NPL: variants seen among roughly 807,000 people sequenced by gnomAD.
NPL encodes N-acetylneuraminate lyase.
A neutral mutation model predicts 41.1 loss-of-function variants in NPL; 32 were observed. The ratio of observed to expected loss-of-function variants is 0.78; its 90% CI spans 0.59 to 1.05. NPL has a LOEUF of 1.05. NPL is among the 50% of genes least tolerant of loss of function. The pLI is 0.00. For synonymous variants in NPL, 128 were observed against 134.9 expected, an observed-to-expected ratio of 0.95 and a Z score of 0.35; for missense variants, 321 against 378.4, an observed-to-expected ratio of 0.85 and a Z score of 1.26.
At chr1:182,816,461 A>C (rs1290881947) in intron 7 of NPL, among the ~76,000 whole-genome samples, 1 of 152,162 alleles carries the variant, frequency 6.6e-6, no homozygotes, top group Admixed American at 6.5e-5. Context: ...GGTTTTCATC[A>C]ATTTTTTAAT....
At chr1:182,805,999 T>C in intron 4 of NPL, 146 bp from the exon 5 acceptor site, 2 of 888,186 alleles carry the variant, frequency 2.3e-6, no homozygotes, top group South Asian at 1.4e-5. Context: ...GGAAAAAAGA[T>C]GGAGTCTGAA....
chr1:182,817,157 T>A (rs1667357478), intron 8 of NPL, among the ~76,000 whole-genome samples: 1 of 152,234 alleles, frequency 6.6e-6, no homozygotes, highest in Admixed American at 6.5e-5. Flanking sequence ...TGTTGTATTC[T>A]TAGTGCCTGT....
At chr1:182,806,462 C>T (rs540902897) in intron 5 of NPL, 11 of 1,536,342 alleles carry the variant, frequency 7.2e-6, no homozygotes, top group South Asian at 3.6e-5. Context: ...CCAGAGGTTC[C>T]GCTGGGAAAC....
At chr1:182,812,860 G>A (rs1332078447) in intron 6 of NPL, among the ~76,000 whole-genome samples, 1 of 151,998 alleles carries the variant, frequency 6.6e-6, no homozygotes, top group Non-Finnish European at 1.5e-5. Context: ...AGCAGGTGGT[G>A]TGGTGATTCT....
rs546307597 is a variant in NPL, at chr1:182,806,154, C to A, written c.152C>A (p.Thr51Lys). ...QGVKNIFVNG[T>K]TGEGLSLSVS... ...CTCTTTGTTTGAACAGTGAATGGCA[C>A]AACAGGAGAAGGCCTGTCCCTGAGC... The change falls in exon 5 of 13, where the codon ACA (threonine) becomes AAA (lysine). Residue 51 changes from threonine (T) to lysine (K), a missense_variant. Coordinates refer to ENST00000367553, the MANE Select transcript of NPL (RefSeq NM_030769.3). 2 of 1,614,198 alleles carry A rather than the reference C, an allele frequency of 1.2e-6. No individual in the cohort carries two copies. The highest frequency in any genetic ancestry group is 1.7e-6 in the Non-Finnish European group (2 of 1,180,044).
chr1:182,790,559 A>G (rs1666473852), intron 1 of NPL, among the ~76,000 whole-genome samples: 1 of 152,224 alleles, frequency 6.6e-6, no homozygotes, highest in Admixed American at 6.5e-5. Flanking sequence ...TAACATTCCC[A>G]AGTTTATTAA....
rs79241816 is a variant in NPL, at chr1:182,812,009, A to G, written c.231-147A>G. The G allele has an allele frequency of 6.3e-4, 466 of 736,840 alleles. 5 individuals carry two copies. The East Asian group carries it at 0.012, about 18-fold the overall frequency. 45.6% of individuals were successfully genotyped at this position (736,840 alleles called of 1,614,324 possible). On this transcript the variant is annotated intron_variant, in intron 5 of 12. Transcript: ENST00000367553. ...AAAAAGATCACCATAAGCCCCTTTAAGTAGATTAAATATATTGCTATAGAA... is the reference window on the plus strand; with the variant it reads ...AAAAAGATCACCATAAGCCCCTTTAGGTAGATTAAATATATTGCTATAGAA...
chr1:182,820,130 C>T (rs925469562), intron 10 of NPL, among the ~76,000 whole-genome samples: 4 of 152,220 alleles, frequency 2.6e-5, no homozygotes, highest in African/African-American at 7.2e-5. Flanking sequence ...CGTGGCATCT[C>T]GGGACATCAT....
chr1:182,818,530 A>G lies in NPL; in HGVS notation c.458-11A>G, dbSNP rs948485777. On this transcript the variant is annotated splice_polypyrimidine_tract_variant and intron_variant, in intron 8 of 12. Transcript: ENST00000367553. ...TGTGCAGATTAATGAGGCACTTATT[A>G]TTTTGAGCAGTTCGTGCTGAGGAGT... 24 of 1,613,730 alleles carry G rather than the reference A, an allele frequency of 1.5e-5. No individual in the cohort carries two copies. In the East Asian group the frequency reaches 1.6e-4, roughly 10 times the overall value.
At chr1:182,798,683 A>G (rs951157399) in intron 3 of NPL, among the ~76,000 whole-genome samples, 3 of 152,218 alleles carry the variant, frequency 2.0e-5, no homozygotes. Context: ...GAATCTTCAC[A>G]ATACCCTCTG....
chr1:182,815,809 G>A (rs1217792910), intron 7 of NPL, among the ~76,000 whole-genome samples: 3 of 152,104 alleles, frequency 2.0e-5, no homozygotes, highest in African/African-American at 7.2e-5. Flanking sequence ...ATGTTGGTAT[G>A]TTGCCCAGGA....
chr1:182,806,477 T>G (rs1316185687), intron 5 of NPL: 2 of 1,536,234 alleles, frequency 1.3e-6, no homozygotes, highest in South Asian at 1.2e-5. Flanking sequence ...GGAAACTGCT[T>G]CTTACCTGTC....
At position 182,804,283 on chromosome 1, in the gene NPL, A is replaced by T. The variant is rs546036085; in HGVS notation, c.142+512A>T. Among the ~76,000 whole-genome samples the T allele has an allele frequency of 9.5e-4, 145 of 152,130 alleles. 1 individual carries two copies. Among genetic ancestry groups the T allele is most frequent in the Non-Finnish European group, 9.6e-4 (65 of 67,990 alleles). ...AGCCGGACTATAGGCGCACACCACCACACCTGGCTAATTTTTGTATTTTTA... is the reference window on the plus strand; with the variant it reads ...AGCCGGACTATAGGCGCACACCACCTCACCTGGCTAATTTTTGTATTTTTA... On this transcript the variant is annotated intron_variant, in intron 4 of 12. Coordinates refer to ENST00000367553, the MANE Select transcript of NPL (RefSeq NM_030769.3).
chr1:182,807,625 C>T (rs970785345), intron 5 of NPL, among the ~76,000 whole-genome samples: 3 of 151,388 alleles, frequency 2.0e-5, no homozygotes, highest in Non-Finnish European at 4.4e-5. Context: ...GCCTGTAATC[C>T]CAGCACTTTG....
chr1:182,819,674 C>T (rs895346337), intron 10 of NPL, among the ~76,000 whole-genome samples: 1 of 151,942 alleles, frequency 6.6e-6, no homozygotes, highest in Non-Finnish European at 1.5e-5. Context: ...GTTGCAGTTA[C>T]GGGTGAGACA....
chr1:182,800,125 A>C (rs892540010), intron 3 of NPL, among the ~76,000 whole-genome samples: 3 of 152,032 alleles, frequency 2.0e-5, no homozygotes, highest in Non-Finnish European at 4.4e-5. Flanking sequence ...GTACCATCAG[A>C]GTAGGGTGGG....
chr1:182,800,014 G>A (rs952877494), intron 3 of NPL, among the ~76,000 whole-genome samples: 12 of 152,134 alleles, frequency 7.9e-5, no homozygotes, highest in Non-Finnish European at 2.9e-5. Context: ...TGCCCAGTGG[G>A]TGGGCAGAAG....
intron 7 of NPL, among the ~76,000 whole-genome samples, chr1:182,816,271 T>A (rs1219271814): frequency 6.6e-6 from 1 of 152,260 alleles, no homozygotes; most frequent in African/African-American, 2.4e-5. Flanking sequence ...CTGCTATAAT[T>A]TCCCTCTTGA....
chr1:182,806,330 G>GC lies in NPL; in HGVS notation c.230+100dup, dbSNP rs767439862. On this transcript the variant is annotated intron_variant, in intron 5 of 12. Coordinates refer to ENST00000367553, the MANE Select transcript of NPL (RefSeq NM_030769.3). ...ACGCCCTCCCTGCTTCCTGGTCAGA[G>GC]CCGGGGCTTGAGGTCAGCTGGTGGG... The GC allele has an allele frequency of 4.5e-6, 7 of 1,570,572 alleles. No individual in the cohort carries two copies. The Admixed American group carries it at 1.3e-4, about 30-fold the overall frequency.
Sources: gnomAD v4.1 joint callset for allele counts (sites outside exome capture counted in the v4.1 genomes callset) on GRCh38, gnomAD v4.1.1 for gene constraint, MANE v1.5 for transcripts, NCBI Gene and HGNC (gene_info 2026-07-23, HGNC 2026-07-21) for gene names.